Variants in ANO10 observed in about 807,000 individuals in gnomAD.
ANO10 encodes anoctamin-10.
ANO10 carries 77 observed loss-of-function variants against 74.7 expected under a neutral mutation model. The observed-to-expected ratio is 1.03, with a 90% CI of 0.86 to 1.25. The LOEUF is 1.25. Among genes scored for constraint, ANO10 ranks in the 50% most tolerant of loss-of-function variants. The pLI, the probability that ANO10 is intolerant of heterozygous loss-of-function variation, is 0.00. For missense variants in ANO10, 721 were observed against 778.1 expected (o/e 0.93, Z 0.87); for synonymous variants, 279 against 284.9 (o/e 0.98, Z 0.21).
intron 11 of ANO10, among the ~76,000 whole-genome samples, chr3:43,480,962 C>T (rs576141020): frequency 3.8e-4 from 8 of 20,922 alleles, no homozygotes; most frequent in African/African-American, 7.9e-4. Flanking sequence ...ACAACCACTA[C>T]ATTGTATTAT....
At chr3:43,399,267 G>A (rs936083823) in intron 12 of ANO10, among the ~76,000 whole-genome samples, 2 of 152,130 alleles carry the variant, frequency 1.3e-5, no homozygotes, top group Non-Finnish European at 2.9e-5. Context: ...CATTTCTAAC[G>A]AATCTATTTT....
chr3:43,679,659 C>T (rs1007483262), intron 1 of ANO10, among the ~76,000 whole-genome samples: 1 of 152,214 alleles, frequency 6.6e-6, no homozygotes, highest in Non-Finnish European at 1.5e-5. Flanking sequence ...GGGTCCCTGA[C>T]CCTCGAGTAG....
intron 11 of ANO10, among the ~76,000 whole-genome samples, chr3:43,534,821 T>C (rs1174120204): frequency 2.0e-5 from 3 of 152,104 alleles, no homozygotes; most frequent in African/African-American, 4.8e-5. Context: ...GAGAGAACCA[T>C]ATATGTAATT....
At chr3:43,566,361 G>C (rs1397380991) in intron 7 of ANO10, among the ~76,000 whole-genome samples, 2 of 152,348 alleles carry the variant, frequency 1.3e-5, no homozygotes, top group East Asian at 1.9e-4. Context: ...GCCTGCCTCT[G>C]TAGGCTCCAC....
At chr3:43,451,471 C>T (rs184148385) in intron 11 of ANO10, among the ~76,000 whole-genome samples, 5 of 152,302 alleles carry the variant, frequency 3.3e-5, no homozygotes, top group Non-Finnish European at 5.9e-5. Context: ...TTCTCAAGAG[C>T]TTTCTCTAAC....
chr3:43,488,991 TA>T (rs2076611271), intron 11 of ANO10, among the ~76,000 whole-genome samples: 1 of 151,410 alleles, frequency 6.6e-6, no homozygotes, highest in African/African-American at 2.4e-5. Flanking sequence ...TATGCAGCCA[TA>T]AAAAATGATG....
intron 1 of ANO10, among the ~76,000 whole-genome samples, chr3:43,639,983 T>C (rs1227337198): frequency 6.6e-6 from 1 of 152,056 alleles, no homozygotes; most frequent in Non-Finnish European, 1.5e-5. Flanking sequence ...AGCCTAGTCC[T>C]GAGAGTCGGG....
At chr3:43,591,374 A>G (rs986282347) in intron 4 of ANO10, among the ~76,000 whole-genome samples, 2 of 152,106 alleles carry the variant, frequency 1.3e-5, no homozygotes, top group South Asian at 4.1e-4. Flanking sequence ...GCTGAACACT[A>G]GTTGCTGGGT....
chr3:43,470,596 T>TTTTATTTATTTA (rs61427290), intron 11 of ANO10, among the ~76,000 whole-genome samples: 1,664 of 143,934 alleles, frequency 0.012, 20 homozygotes, highest in South Asian at 0.031. Context: ...CTGGTAATTA[T>TTTTATTTATTTA]TTTATTTATT....
At chr3:43,642,128 C>T (rs183954791) in intron 1 of ANO10, among the ~76,000 whole-genome samples, 1 of 152,160 alleles carries the variant, frequency 6.6e-6, no homozygotes, top group Non-Finnish European at 1.5e-5. Context: ...CTTCAAAGCC[C>T]TTTCAGTGAA....
chr3:43,419,241 C>T (rs534995807), intron 12 of ANO10, among the ~76,000 whole-genome samples: 2 of 152,188 alleles, frequency 1.3e-5, no homozygotes, highest in African/African-American at 2.4e-5. Context: ...AGAAACATAA[C>T]GTCATTTCTA....
intron 12 of ANO10, among the ~76,000 whole-genome samples, chr3:43,378,099 G>C (rs2091860953): frequency 6.6e-6 from 1 of 152,202 alleles, no homozygotes; most frequent in South Asian, 2.1e-4. Context: ...TGAAATGCAG[G>C]AGACAGTCCA....
At chr3:43,406,754 C>T (rs2092583454) in intron 12 of ANO10, among the ~76,000 whole-genome samples, 3 of 152,148 alleles carry the variant, frequency 2.0e-5, no homozygotes, top group Admixed American at 2.0e-4. Context: ...ACACTATGTT[C>T]CATTTACGAC....
intron 1 of ANO10, among the ~76,000 whole-genome samples, chr3:43,615,291 A>G (rs1244641907): frequency 6.6e-6 from 1 of 152,156 alleles, no homozygotes; most frequent in Admixed American, 6.5e-5. Context: ...CAAACAGGGG[A>G]GCTGGGACTC....
intron 11 of ANO10, among the ~76,000 whole-genome samples, chr3:43,543,171 TGAGA>T (rs1015171821): frequency 6.4e-4 from 98 of 152,186 alleles, no homozygotes; most frequent in African/African-American, 2.2e-3. Context: ...CTCTCTTAGT[TGAGA>T]GAGAGGAAGA....
chr3:43,602,496 C>T (rs1356890892), intron 2 of ANO10, among the ~76,000 whole-genome samples: 2 of 152,100 alleles, frequency 1.3e-5, no homozygotes, highest in Non-Finnish European at 2.9e-5. Flanking sequence ...CAACCACATC[C>T]AGCTAATTTT....
chr3:43,368,850 TTAAC>T (rs2091503442), intron 12 of ANO10, among the ~76,000 whole-genome samples: 1 of 152,104 alleles, frequency 6.6e-6, no homozygotes. Flanking sequence ...TGCGGTAAAT[TTAAC>T]TAAACTAAAA....
At chr3:43,610,109 T>C (rs2082742517) in intron 1 of ANO10, among the ~76,000 whole-genome samples, 1 of 152,124 alleles carries the variant, frequency 6.6e-6, no homozygotes, top group Non-Finnish European at 1.5e-5. Context: ...ATTTATATAT[T>C]TATTCTAGAA....
At chr3:43,575,006 A>C (rs2080928471) in intron 6 of ANO10, 142 bp from the exon 7 acceptor site, 1 of 712,646 alleles carries the variant, frequency 1.4e-6, no homozygotes. Flanking sequence ...TGTCAATCAC[A>C]GCTATGCCTT....
Sources: gnomAD v4.1 joint callset for allele counts (sites outside exome capture counted in the v4.1 genomes callset) on GRCh38, gnomAD v4.1.1 for gene constraint, MANE v1.5 for transcripts, NCBI Gene and HGNC (gene_info 2026-07-23, HGNC 2026-07-21) for gene names.